The following PDAP1 variants were observed in gnomAD, a reference collection of about 807,000 sequenced individuals.
PDAP1 encodes PDGFA associated protein 1.
PDAP1 carries 13 observed loss-of-function variants against 28.0 expected under a neutral mutation model. That is an observed-to-expected ratio of 0.46 (90% CI 0.30 to 0.74). PDAP1 has a LOEUF of 0.74. Among genes scored for constraint, PDAP1 ranks in the 30% least tolerant of loss-of-function variants. PDAP1 has a pLI of 0.07. For synonymous variants in PDAP1, 77 were observed against 85.1 expected, an observed-to-expected ratio of 0.91 and a Z score of 0.52; for missense variants, 150 against 230.0, an observed-to-expected ratio of 0.65 and a Z score of 2.25.
chr7:99,401,856 C>T (rs1022263428), intron 3 of PDAP1, among the ~76,000 whole-genome samples: 1 of 151,980 alleles, frequency 6.6e-6, no homozygotes, highest in East Asian at 2.0e-4. Flanking sequence ...GCCACCACAC[C>T]TGGCTAATTT....
At chr7:99,404,469 G>A (rs1794933768) in intron 2 of PDAP1, among the ~76,000 whole-genome samples, 1 of 152,134 alleles carries the variant, frequency 6.6e-6, no homozygotes, top group Non-Finnish European at 1.5e-5. Flanking sequence ...GGGGGTGTGG[G>A]AAGGCAGGGC....
At chr7:99,402,416 G>A (rs967381278) in intron 3 of PDAP1, among the ~76,000 whole-genome samples, 4 of 151,274 alleles carry the variant, frequency 2.6e-5, no homozygotes, top group African/African-American at 7.3e-5. Flanking sequence ...GACCACCTGG[G>A]CAATATAGTG....
chr7:99,402,000 T>C (rs911800349), intron 3 of PDAP1, among the ~76,000 whole-genome samples: 3 of 151,764 alleles, frequency 2.0e-5, no homozygotes, highest in African/African-American at 7.3e-5. Context: ...CTGGGCGCAG[T>C]GGCTCACGCC....
intron 1 of PDAP1, among the ~76,000 whole-genome samples, 168 bp downstream of exon 1, chr7:99,408,368 G>C (rs1294511502): frequency 6.6e-6 from 1 of 152,166 alleles, no homozygotes; most frequent in Non-Finnish European, 1.5e-5. Flanking sequence ...ACAGTCCTCA[G>C]TTTCCCCATC....
chr7:99,400,666 T>C (rs1250357218), intron 3 of PDAP1, among the ~76,000 whole-genome samples: 1 of 152,022 alleles, frequency 6.6e-6, no homozygotes, highest in East Asian at 1.9e-4. Flanking sequence ...AACCAGGAAG[T>C]AGGTGGTAGA....
rs1477891051 is a variant in PDAP1, at chr7:99,394,922, C to T, written c.*1760G>A. 1.2e-6 allele frequency: 1 copy of T among 841,862 alleles called. No individual in the cohort carries two copies. The highest frequency in any genetic ancestry group is 1.5e-6 in the Non-Finnish European group (1 of 646,018). 52.1% of individuals were successfully genotyped at this position (841,862 alleles called of 1,614,324 possible). On this transcript the variant is annotated 3_prime_UTR_variant, in exon 6 of 6. Transcript: ENST00000350498. ...GAGCAATCCTTCTGCCTCAGCCTCC[C>T]AAGTAGCTGGGACTCCAGGGAGAGA...
chr7:99,405,932 C>T (rs1794963447), intron 1 of PDAP1, among the ~76,000 whole-genome samples: 1 of 152,160 alleles, frequency 6.6e-6, no homozygotes, highest in African/African-American at 2.4e-5. Flanking sequence ...TGGAACAGTG[C>T]CTGCTACTGA....
intron 4 of PDAP1, among the ~76,000 whole-genome samples, chr7:99,398,683 GAC>G (rs1279142876): frequency 6.6e-6 from 1 of 152,178 alleles, no homozygotes; most frequent in Non-Finnish European, 1.5e-5. Flanking sequence ...CAGCCTGGGT[GAC>G]AGAGTGAAAT....
chr7:99,398,604 T>C (rs530186936), intron 4 of PDAP1, among the ~76,000 whole-genome samples: 1 of 152,214 alleles, frequency 6.6e-6, no homozygotes, highest in Non-Finnish European at 1.5e-5. Context: ...CATGGGAGGC[T>C]GAGGCAGGCG....
intron 3 of PDAP1, 94 bp from the exon 4 acceptor site, chr7:99,400,518 G>C: frequency 1.4e-6 from 2 of 1,453,742 alleles, no homozygotes; most frequent in Non-Finnish European, 1.9e-6. Flanking sequence ...ATCTGGATGA[G>C]GACAAACTCC....
chr7:99,399,890 C>T (rs892317396), intron 4 of PDAP1, among the ~76,000 whole-genome samples: 6 of 152,206 alleles, frequency 3.9e-5, no homozygotes, highest in African/African-American at 1.2e-4. Context: ...GGCTGAGCTG[C>T]GCTGGGCTGG....
intron 3 of PDAP1, among the ~76,000 whole-genome samples, chr7:99,403,034 A>G (rs1794907477): frequency 6.6e-6 from 1 of 152,154 alleles, no homozygotes; most frequent in African/African-American, 2.4e-5. Flanking sequence ...TGGTCCTTGA[A>G]CATGCCAAGC....
intron 1 of PDAP1, among the ~76,000 whole-genome samples, chr7:99,406,775 G>A (rs542034329): frequency 6.6e-6 from 1 of 152,292 alleles, no homozygotes; most frequent in East Asian, 1.9e-4. Flanking sequence ...GCACTCCAGA[G>A]GCGGTAGCAG....
chr7:99,401,083 C>T (rs1362485049), intron 3 of PDAP1, among the ~76,000 whole-genome samples: 1 of 152,172 alleles, frequency 6.6e-6, no homozygotes, highest in Non-Finnish European at 1.5e-5. Context: ...AGGGAGACAG[C>T]TTCCACTCCA....
At chr7:99,397,297 T>G (rs1794786101) in intron 5 of PDAP1, among the ~76,000 whole-genome samples, 1 of 152,080 alleles carries the variant, frequency 6.6e-6, no homozygotes, top group African/African-American at 2.4e-5. Flanking sequence ...AGATGGAATG[T>G]TGCAAGTTGA....
intron 1 of PDAP1, 53 bp from the exon 2 acceptor site, chr7:99,405,006 A>C: frequency 7.4e-7 from 1 of 1,345,862 alleles, no homozygotes; most frequent in Admixed American, 1.7e-5. Flanking sequence ...GACTGCTCTG[A>C]CCCCCAGAGG....
chr7:99,408,534 A>G lies in PDAP1; in HGVS notation c.13+2T>C. 7.6e-7 allele frequency: 1 copy of G among 1,309,558 alleles called. No individual in the cohort carries two copies. Among genetic ancestry groups the G allele is most frequent in the Non-Finnish European group, 9.7e-7 (1 of 1,028,598 alleles). 81.1% of individuals were successfully genotyped at this position (1,309,558 alleles called of 1,614,324 possible). On this transcript the variant is annotated splice_donor_variant, in intron 1 of 5. Coordinates refer to ENST00000350498, the MANE Select transcript of PDAP1 (RefSeq NM_014891.7). LOFTEE classifies it high-confidence loss of function. ...TGCGGGCCACCGGCGCCCGCCCCTC[A>G]CCTCCTTTAGGCATTGCGGCTCCGG... is the stretch of plus-strand genomic sequence containing the variant.
intron 5 of PDAP1, 34 bp downstream of exon 5, chr7:99,397,828 G>A: frequency 2.5e-6 from 4 of 1,605,872 alleles, no homozygotes; most frequent in Non-Finnish European, 3.4e-6. Context: ...ACCAGAGTTG[G>A]GGCCTGTCCC....
At chr7:99,398,890 G>A (rs1311125698) in intron 4 of PDAP1, among the ~76,000 whole-genome samples, 5 of 152,334 alleles carry the variant, frequency 3.3e-5, no homozygotes, top group Admixed American at 2.6e-4. Flanking sequence ...AGGGAGATGG[G>A]AATAATTGCT....
Sources: allele counts gnomAD v4.1 joint callset (sites outside exome capture counted in the v4.1 genomes callset), GRCh38; gene constraint gnomAD v4.1.1; transcripts MANE v1.5; gene names NCBI Gene and HGNC (gene_info 2026-07-23, HGNC 2026-07-21).